The following LNPEP variants were observed in gnomAD, a reference collection of about 807,000 sequenced individuals.
LNPEP encodes leucyl-cystinyl aminopeptidase.
Under a neutral mutation model 120.6 loss-of-function variants are expected in LNPEP, and 64 were observed. That is an observed-to-expected ratio of 0.53 (90% CI 0.43 to 0.65). LNPEP has a LOEUF of 0.65. Ranked by LOEUF, LNPEP falls within the 30% of genes least tolerant of loss-of-function variation. The pLI, the probability that LNPEP is intolerant of heterozygous loss-of-function variation, is 0.00. For missense variants in LNPEP, 1,057 were observed against 1,200.0 expected (o/e 0.88, Z 1.76); for synonymous variants, 435 against 425.4 (o/e 1.02, Z -0.28).
In LNPEP at chr5:96,985,208, A is replaced by G; in HGVS notation, c.989A>G (p.Asn330Ser). ...IRDEQYTALS[N>S]MPKKSSVVLD... Reference sequence around the variant, plus strand: ...GATGAGCAATACACCGCTTTATCAAATATGCCTAAGGTACTGTTCTGTTCC... The same window carrying G: ...GATGAGCAATACACCGCTTTATCAAGTATGCCTAAGGTACTGTTCTGTTCC... The change falls in exon 3 of 18, where the codon AAT becomes AGT. Residue 330 changes from asparagine to serine, a missense_variant. Transcript: ENST00000231368. 6.2e-7 allele frequency: 1 copy of G among 1,613,694 alleles called. No individual in the cohort carries two copies. Among genetic ancestry groups the G allele is most frequent in the Non-Finnish European group, 8.5e-7 (1 of 1,179,736 alleles).
chr5:96,957,263 G>A (rs148126579), intron 1 of LNPEP, among the ~76,000 whole-genome samples: 147 of 152,198 alleles, frequency 9.7e-4, no homozygotes, highest in African/African-American at 3.3e-3. Context: ...TTTGGCTGGC[G>A]ATCACCCTGC....
intron 11 of LNPEP, among the ~76,000 whole-genome samples, chr5:97,009,542 C>G (rs1367623704): frequency 6.6e-6 from 1 of 152,186 alleles, no homozygotes; most frequent in Non-Finnish European, 1.5e-5. Context: ...ATGATGTTTT[C>G]TTTTTCTCTT....
intron 1 of LNPEP, among the ~76,000 whole-genome samples, chr5:96,943,773 C>T (rs549619905): frequency 6.6e-6 from 1 of 152,290 alleles, no homozygotes; most frequent in East Asian, 1.9e-4. Flanking sequence ...AATGGAGGAT[C>T]AAGTTCAATT....
intron 1 of LNPEP, among the ~76,000 whole-genome samples, chr5:96,950,175 A>C (rs142104580): frequency 6.6e-5 from 10 of 152,332 alleles, no homozygotes; most frequent in Non-Finnish European, 1.0e-4. Flanking sequence ...TGTGGAGGGA[A>C]GGAGTCTCTT....
chr5:97,009,350 C>T (rs1790869697), intron 11 of LNPEP, among the ~76,000 whole-genome samples: 1 of 107,300 alleles, frequency 9.3e-6, no homozygotes, highest in South Asian at 3.7e-4. Flanking sequence ...CATATCTATC[C>T]TCATATTAGG....
intron 1 of LNPEP, 56 bp from the exon 2 acceptor site, chr5:96,979,082 T>C (rs1581999195): frequency 1.3e-6 from 2 of 1,519,760 alleles, no homozygotes; most frequent in South Asian, 2.7e-5. Context: ...GTTATTAATA[T>C]TATGAGCTTT....
At chr5:96,972,530 A>T (rs554476333) in intron 1 of LNPEP, among the ~76,000 whole-genome samples, 1 of 152,094 alleles carries the variant, frequency 6.6e-6, no homozygotes, top group South Asian at 2.1e-4. Flanking sequence ...CCTTGTGCAA[A>T]CTTCTGTGAC....
chr5:96,941,536 G>A (rs1185716648), intron 1 of LNPEP, among the ~76,000 whole-genome samples: 1 of 152,104 alleles, frequency 6.6e-6, no homozygotes, highest in African/African-American at 2.4e-5. Flanking sequence ...CTGAAAGTTT[G>A]CAAGAAGCCA....
At chr5:96,966,031 A>G (rs117462621) in intron 1 of LNPEP, among the ~76,000 whole-genome samples, 1 of 152,108 alleles carries the variant, frequency 6.6e-6, no homozygotes, top group Non-Finnish European at 1.5e-5. Context: ...CTCCTTTTCA[A>G]CTAAAATGTT....
At chr5:96,977,591 G>A (rs1268351649) in intron 1 of LNPEP, among the ~76,000 whole-genome samples, 1 of 152,122 alleles carries the variant, frequency 6.6e-6, no homozygotes, top group East Asian at 1.9e-4. Context: ...TTTCTAACAA[G>A]CTGCAATGTG....
chr5:97,007,042 C>T (rs1221686087), intron 11 of LNPEP, among the ~76,000 whole-genome samples: 5 of 152,074 alleles, frequency 3.3e-5, no homozygotes, highest in Admixed American at 6.5e-5. Context: ...AAAATATAAA[C>T]GTGGTGTATG....
At chr5:96,943,136 T>G in intron 1 of LNPEP, 1 of 498,730 alleles carries the variant, frequency 2.0e-6, no homozygotes, top group South Asian at 5.0e-5. Context: ...GCAGATTACT[T>G]CCATCATTAT....
intron 11 of LNPEP, among the ~76,000 whole-genome samples, chr5:97,009,535 ATGT>A (rs1274170631): frequency 6.6e-6 from 1 of 152,244 alleles, no homozygotes; most frequent in Non-Finnish European, 1.5e-5. Flanking sequence ...TGATAAAATG[ATGT>A]TTTCTTTTTC....
rs1025652497 is a variant in LNPEP at position 96,936,097 on chromosome 5, C to G, written c.-59C>G. On this transcript the variant is annotated 5_prime_UTR_variant, in exon 1 of 18. Coordinates refer to ENST00000231368, the MANE Select transcript of LNPEP (RefSeq NM_005575.3). ...GCATGCTCAGTCAGCTGGGCCGCCT[C>G]AGCTCTCGGAGTAGGAAGCTCGGGC... 6 of 1,512,396 alleles carry G rather than the reference C, an allele frequency of 4.0e-6. No individual in the cohort carries two copies. The African/African-American group carries it at 8.7e-5, about 22-fold the overall frequency. The allele number at this position is 1,512,396 out of a possible 1,614,324, so 93.7% of individuals were successfully genotyped here. A position where few individuals can be genotyped will look rare whatever the true frequency, so the allele number is the denominator to read the frequency against.
At chr5:97,019,202 A>G (rs1489523362) in intron 13 of LNPEP, among the ~76,000 whole-genome samples, 1 of 152,182 alleles carries the variant, frequency 6.6e-6, no homozygotes, top group African/African-American at 2.4e-5. Context: ...TGTAGCTTGT[A>G]TAACCCATCA....
chr5:97,022,627 C>A, intron 14 of LNPEP, 143 bp downstream of exon 14: 3 of 660,674 alleles, frequency 4.5e-6, no homozygotes, highest in Non-Finnish European at 7.6e-6. Context: ...TCTGCATTCT[C>A]AAACAAGACT....
In LNPEP at chr5:97,036,152, T is replaced by G. The variant is rs1354721229; in HGVS notation, c.*7619T>G. On this transcript the variant is annotated 3_prime_UTR_variant, in exon 18 of 18. Coordinates refer to ENST00000231368, the MANE Select transcript of LNPEP (RefSeq NM_005575.3). ...ATGATTCCATCAATTGCATAGCTTG[T>G]GTACCTGGTAGAAATTGTGTCTTGG... 6.6e-6 allele frequency: 1 copy of G among 152,166 alleles called. No individual in the cohort carries two copies. The highest frequency in any genetic ancestry group is 1.9e-4 in the East Asian group (1 of 5,194). The allele number at this position is 152,166 out of a possible 1,614,324, so 9.4% of individuals were successfully genotyped here. A position where few individuals can be genotyped will look rare whatever the true frequency, so the allele number is the denominator to read the frequency against.
At chr5:96,989,870 A>G (rs1790354507) in intron 4 of LNPEP, among the ~76,000 whole-genome samples, 2 of 152,202 alleles carry the variant, frequency 1.3e-5, no homozygotes, top group Admixed American at 6.5e-5. Flanking sequence ...TTTCCTAATC[A>G]TTGTATTCCA....
At position 96,985,092 on chromosome 5, in the gene LNPEP, A is replaced by C; in HGVS notation, c.873A>C (p.Ala291=). 1.2e-6 allele frequency: 2 copies of C among 1,613,976 alleles called. No homozygotes were observed. The highest frequency in any genetic ancestry group is 1.3e-5 in the African/African-American group (1 of 75,044). ...GTGTTTGTTTTAGGTACTTTGCAGC[A>C]ACTCAGTTTGAACCCCTGGCAGCAA... ...DESNEKKYFA[A]TQFEPLAARS... is the part of the protein sequence containing the mutation. Residue 291 remains alanine (A), a synonymous_variant, in exon 3 of 18, where the codon GCA becomes GCC. Coordinates refer to ENST00000231368, the MANE Select transcript of LNPEP (RefSeq NM_005575.3).
Sources: allele counts gnomAD v4.1 joint callset (sites outside exome capture counted in the v4.1 genomes callset), GRCh38; gene constraint gnomAD v4.1.1; transcripts MANE v1.5; gene names NCBI Gene and HGNC (gene_info 2026-07-23, HGNC 2026-07-21).